KCNH8: variants seen among roughly 807,000 people sequenced by gnomAD.
KCNH8 encodes voltage-gated delayed rectifier potassium channel KCNH8.
In KCNH8, 70 loss-of-function variants were observed where a neutral mutation model predicts 103.6. That is an observed-to-expected ratio of 0.68 (90% confidence interval 0.56 to 0.82). KCNH8 has a LOEUF of 0.82. Among genes scored for constraint, KCNH8 ranks in the 40% least tolerant of loss-of-function variants. The pLI is 0.00. For missense variants in KCNH8, 1,217 were observed against 1,329.9 expected (o/e 0.92, Z 1.32); for synonymous variants, 498 against 489.4 (o/e 1.02, Z -0.23).
intron 3 of KCNH8, among the ~76,000 whole-genome samples, chr3:19,334,598 T>C (rs1339314463): frequency 2.0e-5 from 3 of 151,824 alleles, no homozygotes; most frequent in Non-Finnish European, 4.4e-5. Flanking sequence ...AAAAGTCCAG[T>C]CTCATGTTCA....
At chr3:19,512,015 T>G (rs1210484014) in intron 12 of KCNH8, among the ~76,000 whole-genome samples, 1 of 152,178 alleles carries the variant, frequency 6.6e-6, no homozygotes, top group African/African-American at 2.4e-5. Context: ...AATAGTAATC[T>G]TAGGGATTTT....
chr3:19,166,258 C>T (rs1196622995), intron 1 of KCNH8, among the ~76,000 whole-genome samples: 1 of 151,730 alleles, frequency 6.6e-6, no homozygotes, highest in Admixed American at 6.6e-5. Flanking sequence ...TTTTTATTTC[C>T]TCACATACAC....
rs536791174 is a variant in KCNH8, at chr3:19,376,228, G to C, written c.812-14253G>C. On this transcript the variant is annotated intron_variant, in intron 5 of 15. Transcript: ENST00000328405. ...TGCCGCCTTGCAGTTTGATCTCAGA[G>C]TGCTGTGCTAGCAATCAGCGAGACT... 7.9e-3 allele frequency among the ~76,000 whole-genome samples: 1,199 copies of C among 152,244 alleles called. 9 individuals carry two copies. The highest frequency in any genetic ancestry group is 0.02 in the Middle Eastern group (6 of 294).
At chr3:19,254,583 A>G (rs923858761) in intron 2 of KCNH8, among the ~76,000 whole-genome samples, 2 of 152,134 alleles carry the variant, frequency 1.3e-5, no homozygotes, top group African/African-American at 2.4e-5. Flanking sequence ...CTTGAGTTCT[A>G]TGTAGGAATA....
At chr3:19,356,876 A>G (rs896884526) in intron 5 of KCNH8, among the ~76,000 whole-genome samples, 4 of 151,906 alleles carry the variant, frequency 2.6e-5, no homozygotes, top group Non-Finnish European at 4.4e-5. Flanking sequence ...TGAGAAAAAG[A>G]AAGACCACCT....
intron 1 of KCNH8, among the ~76,000 whole-genome samples, chr3:19,180,004 A>T (rs906111367): frequency 2.0e-5 from 3 of 152,112 alleles, no homozygotes; most frequent in Non-Finnish European, 4.4e-5. Flanking sequence ...GTACATAGGA[A>T]AAACTGAGAA....
In KCNH8 at chr3:19,405,994, C is replaced by G. The variant is rs545495354; in HGVS notation, c.1177+10683C>G. On this transcript the variant is annotated intron_variant, in intron 7 of 15. Transcript: ENST00000328405. ...ATAGGATCCTGGTAAACAAAACACA[C>G]AAAAACATCTGAGAGCTAGTTGATC... 6.6e-5 allele frequency among the ~76,000 whole-genome samples: 10 copies of G among 152,050 alleles called. No individual in the cohort carries two copies. In the East Asian group the frequency reaches 1.9e-3, roughly 29 times the overall value.
intron 1 of KCNH8, among the ~76,000 whole-genome samples, chr3:19,215,187 G>C (rs56751850): frequency 0.039 from 5,916 of 152,280 alleles, 407 homozygotes; most frequent in African/African-American, 0.13. Context: ...TTGGGGTAGA[G>C]TAGTTCTCCA....
At chr3:19,149,655 G>A (rs1434137075) in intron 1 of KCNH8, among the ~76,000 whole-genome samples, 1 of 152,104 alleles carries the variant, frequency 6.6e-6, no homozygotes, top group East Asian at 1.9e-4. Flanking sequence ...TTCCTAGCTG[G>A]CTTTAACCCT....
chr3:19,197,731 T>G (rs948223044), intron 1 of KCNH8, among the ~76,000 whole-genome samples: 5 of 152,064 alleles, frequency 3.3e-5, no homozygotes, highest in Admixed American at 2.6e-4. Context: ...TGGAATTACA[T>G]AAGTTAATAC....
chr3:19,275,559 T>C (rs2064657363), intron 2 of KCNH8, among the ~76,000 whole-genome samples: 1 of 152,162 alleles, frequency 6.6e-6, no homozygotes, highest in African/African-American at 2.4e-5. Flanking sequence ...TGTAGATAGA[T>C]GGTCCCTGGA....
At chr3:19,242,532 T>A (rs139988287) in intron 1 of KCNH8, among the ~76,000 whole-genome samples, 1 of 152,104 alleles carries the variant, frequency 6.6e-6, no homozygotes, top group Non-Finnish European at 1.5e-5. Flanking sequence ...AACCATAAGA[T>A]CAAAGGGGTT....
At chr3:19,452,081 G>T (rs1040423991) in intron 10 of KCNH8, among the ~76,000 whole-genome samples, 2 of 152,060 alleles carry the variant, frequency 1.3e-5, no homozygotes, top group African/African-American at 4.8e-5. Flanking sequence ...TTTTATGTAG[G>T]GCTCTTTTAA....
intron 5 of KCNH8, among the ~76,000 whole-genome samples, chr3:19,386,344 A>C (rs2066356006): frequency 6.6e-6 from 1 of 152,138 alleles, no homozygotes; most frequent in Non-Finnish European, 1.5e-5. Context: ...TAGATAATTC[A>C]ATTATATTCT....
intron 3 of KCNH8, among the ~76,000 whole-genome samples, chr3:19,308,084 AGAT>A (rs1405063493): frequency 1.3e-5 from 2 of 151,898 alleles, no homozygotes; most frequent in African/African-American, 2.4e-5. Context: ...TAAATGTGTA[AGAT>A]GATGATTATG....
intron 11 of KCNH8, among the ~76,000 whole-genome samples, chr3:19,492,662 G>C (rs932936777): frequency 6.6e-6 from 1 of 151,900 alleles, no homozygotes; most frequent in African/African-American, 2.4e-5. Flanking sequence ...TTTGCTGTTT[G>C]GGCTCTTTTT....
chr3:19,204,563 A>G (rs2063695481), intron 1 of KCNH8, among the ~76,000 whole-genome samples: 1 of 152,204 alleles, frequency 6.6e-6, no homozygotes, highest in East Asian at 1.9e-4. Context: ...TTTAAAAAGC[A>G]TGTAACAAAA....
chr3:19,424,425 T>C (rs756160040), intron 7 of KCNH8, among the ~76,000 whole-genome samples: 13 of 152,140 alleles, frequency 8.5e-5, no homozygotes, highest in Non-Finnish European at 1.8e-4. Flanking sequence ...AGAAGGAAAC[T>C]GGATCCTCAT....
chr3:19,521,711 C>T (rs2068973714), intron 15 of KCNH8, among the ~76,000 whole-genome samples: 1 of 151,870 alleles, frequency 6.6e-6, no homozygotes, highest in Non-Finnish European at 1.5e-5. Context: ...GAATAGAAAA[C>T]AAAATGGCAG....
Sources: allele counts gnomAD v4.1 joint callset (sites outside exome capture counted in the v4.1 genomes callset), GRCh38; gene constraint gnomAD v4.1.1; transcripts MANE v1.5; gene names NCBI Gene and HGNC (gene_info 2026-07-23, HGNC 2026-07-21).